GRM8: variants seen among roughly 807,000 people sequenced by gnomAD.
GRM8 encodes metabotropic glutamate receptor 8.
GRM8 carries 47 observed loss-of-function variants against 87.2 expected under a neutral mutation model. That is an observed-to-expected ratio of 0.54 (90% confidence interval 0.43 to 0.69). The LOEUF (loss-of-function observed/expected upper bound fraction) is 0.69. GRM8 is among the 30% of genes least tolerant of loss of function. GRM8 has a pLI of 0.00. For synonymous variants in GRM8, 396 were observed against 404.5 expected (o/e 0.98, Z 0.25); for missense variants, 1,019 against 1,139.2 (o/e 0.89, Z 1.52).
chr7:126,849,721 T>A (rs1420572818), intron 6 of GRM8, among the ~76,000 whole-genome samples: 1 of 152,088 alleles, frequency 6.6e-6, no homozygotes, highest in Non-Finnish European at 1.5e-5. Flanking sequence ...CAGAAGCAAT[T>A]ACAAGGGAAG....
At chr7:126,492,093 G>A (rs999156745) in intron 9 of GRM8, among the ~76,000 whole-genome samples, 11 of 151,988 alleles carry the variant, frequency 7.2e-5, no homozygotes, top group African/African-American at 2.4e-4. Context: ...GTCTCAGTCT[G>A]TCACCTAGGC....
chr7:127,204,677 A>T (rs984098186), intron 2 of GRM8, among the ~76,000 whole-genome samples: 5 of 151,988 alleles, frequency 3.3e-5, no homozygotes, highest in Non-Finnish European at 7.4e-5. Flanking sequence ...TTTTTTTATA[A>T]CATATCAAGT....
intron 7 of GRM8, among the ~76,000 whole-genome samples, chr7:126,759,649 T>G (rs1817386361): frequency 6.6e-6 from 1 of 152,198 alleles, no homozygotes; most frequent in Non-Finnish European, 1.5e-5. Context: ...CCTCCCAAAC[T>G]AATCCTTATA....
chr7:126,439,076 A>G lies in GRM8; in HGVS notation c.*43T>C. ...TTTGCGGTCTCATGTTCATCATTTA[A>G]GATCATATACCACATCTCTTCAGAT... On this transcript the variant is annotated 3_prime_UTR_variant, in exon 11 of 11. Coordinates refer to ENST00000339582, the MANE Select transcript of GRM8 (RefSeq NM_000845.3). 8.3e-7 allele frequency: 1 copy of G among 1,198,792 alleles called. No homozygotes were observed. The highest frequency in any genetic ancestry group is 1.2e-6 in the Non-Finnish European group (1 of 801,276). 74.3% of individuals were successfully genotyped at this position (1,198,792 alleles called of 1,614,324 possible).
intron 6 of GRM8, among the ~76,000 whole-genome samples, chr7:126,891,038 C>T (rs188907914): frequency 8.1e-4 from 123 of 152,078 alleles, no homozygotes; most frequent in African/African-American, 2.8e-3. Context: ...TCATAGGATC[C>T]TTAAACTCAG....
At chr7:126,709,970 T>C (rs977767344) in intron 7 of GRM8, among the ~76,000 whole-genome samples, 18 of 152,164 alleles carry the variant, frequency 1.2e-4, no homozygotes, top group Non-Finnish European at 2.4e-4. Context: ...CTTGTAAACA[T>C]TGCAGGTCCA....
Position 126,533,525 on chromosome 7 carries a change from G to T in GRM8, c.1857C>A (p.Arg619=). Residue 619 remains arginine, a synonymous_variant, in exon 9 of 11, where the codon CGC becomes CGA. Coordinates refer to ENST00000339582, the MANE Select transcript of GRM8 (RefSeq NM_000845.3). The stretch of plus-strand genomic sequence containing the variant: ...CCGTTAGGAGCACGTAACTAAGTTC[G>T]CGTCCTGAAGCCCTCACGATAGGTG... ...NDTPIVRASG[R]ELSYVLLTGI... is the part of the protein sequence containing the mutation. 1 of 1,614,026 alleles carries T rather than the reference G, an allele frequency of 6.2e-7. No individual in the cohort carries two copies. Among genetic ancestry groups the T allele is most frequent in the Non-Finnish European group, 8.5e-7 (1 of 1,179,976 alleles).
At chr7:126,649,335 G>T (rs1160083943) in intron 7 of GRM8, among the ~76,000 whole-genome samples, 1 of 152,190 alleles carries the variant, frequency 6.6e-6, no homozygotes, top group Middle Eastern at 3.4e-3. Flanking sequence ...TATAAAGCAG[G>T]CAGAAAAACA....
intron 2 of GRM8, among the ~76,000 whole-genome samples, chr7:127,152,671 T>A (rs1792469547): frequency 6.6e-6 from 1 of 152,100 alleles, no homozygotes; most frequent in Non-Finnish European, 1.5e-5. Context: ...CTTTGCCAAT[T>A]TGTTTTGAGC....
intron 6 of GRM8, among the ~76,000 whole-genome samples, chr7:126,884,113 C>T (rs556562408): frequency 6.6e-6 from 1 of 152,120 alleles, no homozygotes; most frequent in Non-Finnish European, 1.5e-5. Flanking sequence ...AATCAGCATC[C>T]TCATGAGCAC....
Position 127,107,034 on chromosome 7 carries a change from A to T in GRM8, c.511-322T>A, listed in dbSNP as rs573141705. 2.8e-4 allele frequency among the ~76,000 whole-genome samples: 42 copies of T among 152,320 alleles called. 2 individuals are homozygous for T. The South Asian group carries it at 8.5e-3, about 31-fold the overall frequency. ...TTGATGTTGCTTTTTTAGTCTGTAC[A>T]TGATAAGCTCTGGTGCAGAAAGGAG... On this transcript the variant is annotated intron_variant, in intron 2 of 10. Transcript: ENST00000339582.
chr7:126,811,876 G>A (rs1420711810), intron 6 of GRM8, among the ~76,000 whole-genome samples: 1 of 151,832 alleles, frequency 6.6e-6, no homozygotes, highest in Admixed American at 6.6e-5. Flanking sequence ...AATTGCTGTG[G>A]CTAGGACCTC....
intron 8 of GRM8, among the ~76,000 whole-genome samples, chr7:126,572,072 T>C (rs1794736400): frequency 6.6e-6 from 1 of 152,074 alleles, no homozygotes; most frequent in African/African-American, 2.4e-5. Flanking sequence ...TACCACCACA[T>C]AGCAGGAGAG....
At chr7:126,815,952 G>A (rs1242210054) in intron 6 of GRM8, among the ~76,000 whole-genome samples, 1 of 152,044 alleles carries the variant, frequency 6.6e-6, no homozygotes, top group Non-Finnish European at 1.5e-5. Context: ...CCATGAGAAT[G>A]ATGCAAAGGT....
chr7:127,149,316 C>T (rs1032280215), intron 2 of GRM8, among the ~76,000 whole-genome samples: 1 of 151,968 alleles, frequency 6.6e-6, no homozygotes, highest in Non-Finnish European at 1.5e-5. Flanking sequence ...TGAAAAGATA[C>T]TCAATACCAT....
At chr7:126,666,820 A>C (rs2151295130) in intron 7 of GRM8, among the ~76,000 whole-genome samples, 1 of 152,334 alleles carries the variant, frequency 6.6e-6, no homozygotes, top group South Asian at 2.1e-4. Flanking sequence ...GAAATAGAGA[A>C]GGTATCTATG....
At chr7:126,719,711 CT>C (rs1350537749) in intron 7 of GRM8, among the ~76,000 whole-genome samples, 2 of 151,876 alleles carry the variant, frequency 1.3e-5, no homozygotes, top group South Asian at 2.1e-4. Flanking sequence ...GGTAATCTTT[CT>C]GTGCAAAAAT....
intron 6 of GRM8, among the ~76,000 whole-genome samples, chr7:126,772,692 G>A (rs1293079952): frequency 1.3e-5 from 2 of 152,030 alleles, no homozygotes; most frequent in Non-Finnish European, 2.9e-5. Context: ...ACACCCCGAA[G>A]AAAATCTAAT....
At chr7:126,440,300 T>G (rs902159975) in intron 10 of GRM8, among the ~76,000 whole-genome samples, 2 of 148,648 alleles carry the variant, frequency 1.3e-5, no homozygotes, top group Non-Finnish European at 3.0e-5. Flanking sequence ...TAATCCCAAT[T>G]ACTCAGGAGG....
Sources: allele counts gnomAD v4.1 joint callset (sites outside exome capture counted in the v4.1 genomes callset), GRCh38; gene constraint gnomAD v4.1.1; transcripts MANE v1.5; gene names NCBI Gene and HGNC (gene_info 2026-07-23, HGNC 2026-07-21).